FCHO2: variants seen among roughly 807,000 people sequenced by gnomAD.
FCHO2 encodes F-BAR domain only protein 2.
In FCHO2, 43 loss-of-function variants were observed where a neutral mutation model predicts 114.1. That is an observed-to-expected ratio of 0.38 (90% confidence interval 0.30 to 0.49). The LOEUF (loss-of-function observed/expected upper bound fraction) is 0.49, where lower values mean the gene tolerates loss of function less well. Among genes scored for constraint, FCHO2 ranks in the 20% least tolerant of loss-of-function variants. The probability of loss-of-function intolerance (pLI) is 0.97; values close to 1 mark genes in which losing one functional copy is unlikely to be tolerated. For missense variants in FCHO2, 807 were observed against 950.4 expected, an observed-to-expected ratio of 0.85 and a Z score of 1.98; for synonymous variants, 293 against 315.2, an observed-to-expected ratio of 0.93 and a Z score of 0.75.
intron 16 of FCHO2, among the ~76,000 whole-genome samples, chr5:73,057,781 C>T (rs1453513877): frequency 1.3e-5 from 2 of 152,224 alleles, no homozygotes; most frequent in East Asian, 1.9e-4. Context: ...TTCATTTAGA[C>T]GTGTGCTGCT....
chr5:73,046,060 G>T (rs558381278), intron 11 of FCHO2, among the ~76,000 whole-genome samples: 9 of 152,162 alleles, frequency 5.9e-5, no homozygotes, highest in African/African-American at 1.2e-4. Context: ...GTTTATGGTG[G>T]TTTTTTTGTT....
chr5:73,057,951 A>G (rs1757674127), intron 16 of FCHO2, among the ~76,000 whole-genome samples: 1 of 152,146 alleles, frequency 6.6e-6, no homozygotes, highest in African/African-American at 2.4e-5. Flanking sequence ...ATTGGCTGTT[A>G]AATCTGTTAA....
chr5:73,028,314 G>A (rs1390154113), intron 8 of FCHO2, among the ~76,000 whole-genome samples: 5 of 152,174 alleles, frequency 3.3e-5, no homozygotes, highest in Non-Finnish European at 7.3e-5. Flanking sequence ...AAATACCTTG[G>A]CAGCTTCTTA....
chr5:73,023,909 T>C (rs1028458963), intron 8 of FCHO2, among the ~76,000 whole-genome samples: 2 of 152,196 alleles, frequency 1.3e-5, no homozygotes, highest in Admixed American at 6.5e-5. Flanking sequence ...AACCTACTCA[T>C]TTATTCTCTA....
intron 5 of FCHO2, among the ~76,000 whole-genome samples, chr5:73,004,295 G>A (rs929022095): frequency 3.3e-5 from 5 of 151,996 alleles, no homozygotes; most frequent in African/African-American, 1.2e-4. Context: ...TAGCTGTTAC[G>A]TATTTGAACA....
chr5:72,986,118 CT>C (rs951574077), intron 2 of FCHO2, among the ~76,000 whole-genome samples: 4 of 151,240 alleles, frequency 2.6e-5, no homozygotes, highest in Non-Finnish European at 5.9e-5. Context: ...TTAAATTTTC[CT>C]TTTTTTTCTC....
chr5:73,076,622 A>G (rs1742922273), intron 20 of FCHO2, among the ~76,000 whole-genome samples: 1 of 152,176 alleles, frequency 6.6e-6, no homozygotes. Flanking sequence ...GCAGAAATTG[A>G]TTATCTGTTG....
At chr5:72,983,060 C>T (rs976501839) in intron 2 of FCHO2, among the ~76,000 whole-genome samples, 2 of 151,708 alleles carry the variant, frequency 1.3e-5, no homozygotes, top group African/African-American at 2.4e-5. Flanking sequence ...ACTACAGGCA[C>T]CCGCCACCAC....
At chr5:73,082,925 G>A in intron 24 of FCHO2, 100 bp downstream of exon 24, 1 of 991,368 alleles carries the variant, frequency 1.0e-6, no homozygotes, top group Non-Finnish European at 1.5e-6. Context: ...CCAGGCTGGA[G>A]TGCAGTAACA....
intron 23 of FCHO2, 114 bp downstream of exon 23, chr5:73,082,096 T>A (rs1561498572): frequency 1.1e-6 from 1 of 882,038 alleles, no homozygotes. Context: ...TGTGCCTTTT[T>A]CCATAGAAAC....
At chr5:72,987,625 A>G (rs1022899725) in intron 2 of FCHO2, among the ~76,000 whole-genome samples, 5 of 152,206 alleles carry the variant, frequency 3.3e-5, no homozygotes, top group African/African-American at 9.7e-5. Context: ...GGCGTGAGCC[A>G]CCGTGCCTGG....
intron 5 of FCHO2, among the ~76,000 whole-genome samples, chr5:72,998,220 G>C (rs1377973005): frequency 5.9e-5 from 9 of 152,118 alleles, no homozygotes; most frequent in African/African-American, 1.9e-4. Flanking sequence ...AGGCGCGGTG[G>C]CTCACACCTG....
chr5:72,968,480 A>C lies in FCHO2; in HGVS notation c.34-18A>C, dbSNP rs1752327047. The stretch of plus-strand genomic sequence containing the variant: ...TTATCTGTTTTTTTATGAAACTAAA[A>C]ATCTTTTTAAATTTTAGGGGGAAAA... On this transcript the variant is annotated intron_variant, in intron 1 of 25. Transcript: ENST00000430046. The C allele has an allele frequency of 1.4e-6, 2 of 1,475,084 alleles. No homozygotes were observed. Among genetic ancestry groups the C allele is most frequent in the East Asian group, 2.6e-5 (1 of 39,122 alleles). The allele number at this position is 1,475,084 out of a possible 1,614,324, so 91.4% of individuals were successfully genotyped here.
In FCHO2 at chr5:72,986,347, A is replaced by G. The variant is rs73098078; in HGVS notation, c.126-3080A>G. Among the ~76,000 whole-genome samples the G allele has an allele frequency of 5.1e-3, 781 of 151,780 alleles. 5 individuals are homozygous for G. The highest frequency in any genetic ancestry group is 0.018 in the African/African-American group (742 of 41,354). On this transcript the variant is annotated intron_variant, in intron 2 of 25. Transcript: ENST00000430046. The stretch of plus-strand genomic sequence containing the variant: ...GGAGTCTTTACTTGAAGGGCGTGGG[A>G]TTTTTCTCTGCTTTCTACCTTTAGT...
intron 23 of FCHO2, 127 bp from the exon 24 acceptor site, chr5:73,082,634 C>T: frequency 1.4e-6 from 1 of 729,610 alleles, no homozygotes; most frequent in South Asian, 1.8e-5. Flanking sequence ...CCAGTTAATA[C>T]TACTTAAACT....
At chr5:73,008,115 C>T (rs1373550793) in intron 6 of FCHO2, among the ~76,000 whole-genome samples, 1 of 152,104 alleles carries the variant, frequency 6.6e-6, no homozygotes, top group Non-Finnish European at 1.5e-5. Context: ...TAGGTTGGTG[C>T]AAAAGTAATT....
chr5:72,976,354 T>C (rs957971641), intron 2 of FCHO2, among the ~76,000 whole-genome samples: 1 of 151,986 alleles, frequency 6.6e-6, no homozygotes, highest in Admixed American at 6.6e-5. Flanking sequence ...GCTGAGATTA[T>C]AGGTGTGAGC....
chr5:73,011,358 C>T (rs1464653924), intron 6 of FCHO2, among the ~76,000 whole-genome samples: 2 of 152,042 alleles, frequency 1.3e-5, no homozygotes, highest in African/African-American at 2.4e-5. Flanking sequence ...CATTTTGACT[C>T]TTTTGGGATG....
At chr5:72,994,317 G>C (rs559470288) in intron 5 of FCHO2, among the ~76,000 whole-genome samples, 4 of 152,094 alleles carry the variant, frequency 2.6e-5, no homozygotes, top group Non-Finnish European at 5.9e-5. Flanking sequence ...TAAAAAGTGG[G>C]CAAAGGACAT....
Sources: allele counts gnomAD v4.1 joint callset (sites outside exome capture counted in the v4.1 genomes callset), GRCh38; gene constraint gnomAD v4.1.1; transcripts MANE v1.5; gene names NCBI Gene and HGNC (gene_info 2026-07-23, HGNC 2026-07-21).